BTBD8: variants seen among roughly 807,000 people sequenced by gnomAD.
BTBD8 encodes the protein BTB/POZ domain-containing protein 8.
BTBD8 carries 110 observed loss-of-function variants against 162.9 expected under a neutral mutation model. The observed-to-expected ratio is 0.68, with a 90% CI of 0.58 to 0.79. The LOEUF (loss-of-function observed/expected upper bound fraction) is 0.79. Among genes scored for constraint, BTBD8 ranks in the 30% least tolerant of loss-of-function variants. The pLI is 0.00. For synonymous variants in BTBD8, 667 were observed against 716.1 expected, an observed-to-expected ratio of 0.93 and a Z score of 1.10; for missense variants, 1,905 against 2,085.4, an observed-to-expected ratio of 0.91 and a Z score of 1.68.
chr1:92,153,952 G>A (rs1650100930), intron 9 of BTBD8, among the ~76,000 whole-genome samples: 1 of 152,130 alleles, frequency 6.6e-6, no homozygotes, highest in Admixed American at 6.5e-5. Context: ...TGGTGGGAGG[G>A]ATTTGGGTCA....
In BTBD8 at chr1:92,180,855, A is replaced by G; in HGVS notation, c.3172A>G (p.Asn1058Asp). 5 of 1,551,506 alleles carry G rather than the reference A, an allele frequency of 3.2e-6. No individual in the cohort carries two copies. The highest frequency in any genetic ancestry group is 2.0e-5 in the Admixed American group (1 of 50,952). ...AGATAAAAGTGAAACAAAATTTCCCAATCACAAAGAAACAGATGATTGCGA... is the reference window on the plus strand; with the variant it reads ...AGATAAAAGTGAAACAAAATTTCCCGATCACAAAGAAACAGATGATTGCGA... ...CLDKSETKFPNHKETDDCDAA... is the reference protein window; with the variant it reads ...CLDKSETKFPDHKETDDCDAA... Residue 1058 changes from asparagine to aspartate, a missense_variant, in exon 17 of 18, where the codon AAT becomes GAT. Physicochemically the swap from Asn to Asp is conservative, Grantham distance 23 (BLOSUM62 1). Around this residue, in one of 3 missense-constraint regions of BTBD8, gnomAD observed 1,374 missense variants for 1,442.7 expected, o/e 0.95. Coordinates refer to ENST00000636805, the MANE Select transcript of BTBD8 (RefSeq NM_001376131.1).
At chr1:92,116,831 T>A (rs1172912843) in intron 4 of BTBD8, among the ~76,000 whole-genome samples, 2 of 151,754 alleles carry the variant, frequency 1.3e-5, no homozygotes, top group South Asian at 4.1e-4. Flanking sequence ...GTTATTAATA[T>A]GTTTGAGTGT....
rs1458504903 is a variant in BTBD8 at position 92,181,842 on chromosome 1, G to A, written c.4159G>A (p.Asp1387Asn). The A allele has an allele frequency of 6.4e-7, 1 of 1,550,932 alleles. No individual in the cohort carries two copies. Among genetic ancestry groups the A allele is most frequent in the South Asian group, 1.2e-5 (1 of 83,988 alleles). Residue 1387 changes from aspartate to asparagine, a missense_variant, in exon 17 of 18, where the codon GAT (aspartate) becomes AAT (asparagine). Around this residue, in one of 3 missense-constraint regions of BTBD8, gnomAD observed 517 missense variants for 606.6 expected, o/e 0.85. Coordinates refer to ENST00000636805, the MANE Select transcript of BTBD8 (RefSeq NM_001376131.1). ...ATCTTCTTCAGCAGATGAAACAGAA[G>A]ATGAAAGATCTGAAGCTGAAAACGT... Reference protein sequence around the residue: ...QVSSSADETEDERSEAENVAE... With the variant: ...QVSSSADETENERSEAENVAE...
Position 92,102,482 on chromosome 1 carries a change from T to G in BTBD8, c.357T>G (p.Tyr119Ter). The G allele has an allele frequency of 6.7e-7, 1 of 1,499,612 alleles. No individual in the cohort carries two copies. The highest frequency in any genetic ancestry group is 8.9e-7 in the Non-Finnish European group (1 of 1,118,328). 92.9% of individuals were successfully genotyped at this position (1,499,612 alleles called of 1,614,324 possible). A position where few individuals can be genotyped will look rare whatever the true frequency, so the allele number is the denominator to read the frequency against. ...ATATTTTGTCTTTTAGGATTATATATTCATCAAACAGAAACATAAAAAACT... is the reference window on the plus strand; with the variant it reads ...ATATTTTGTCTTTTAGGATTATATAGTCATCAAACAGAAACATAAAAAACT... The part of the protein sequence containing the change: ...LEFRTFLQII[Y>*]SSNRNIKNYE... The change falls in exon 3 of 18, where the codon TAT becomes TAG. Residue 119 changes from tyrosine (Y) to a stop codon, truncating the protein, a stop_gained. Transcript: ENST00000636805. LOFTEE classifies it high-confidence loss of function.
chr1:92,094,291 CT>C (rs1396788957), intron 2 of BTBD8, among the ~76,000 whole-genome samples: 1 of 152,162 alleles, frequency 6.6e-6, no homozygotes, highest in Non-Finnish European at 1.5e-5. Flanking sequence ...CATGTAGTGT[CT>C]TGCATATAGA....
chr1:92,180,373 C>T lies in BTBD8; in HGVS notation c.2690C>T (p.Pro897Leu). The stretch of plus-strand genomic sequence containing the variant: ...AATACAACTACAGAGAAACAAGCAC[C>T]TAAGAGAAAAATGGTCAAGCAAGTA... The part of the protein sequence containing the change: ...DHNTTTEKQA[P>L]KRKMVKQVHT... Residue 897 changes from proline (P) to leucine (L), a missense_variant, in exon 17 of 18, where the codon CCT becomes CTT. Coordinates refer to ENST00000636805, the MANE Select transcript of BTBD8 (RefSeq NM_001376131.1). 6.4e-7 allele frequency: 1 copy of T among 1,551,386 alleles called. No individual in the cohort carries two copies. The highest frequency in any genetic ancestry group is 8.7e-7 in the Non-Finnish European group (1 of 1,146,928).
At chr1:92,166,424 C>CTTTTTT (rs35849731) in intron 9 of BTBD8, among the ~76,000 whole-genome samples, 16 of 120,416 alleles carry the variant, frequency 1.3e-4, no homozygotes, top group Non-Finnish European at 1.8e-4. Flanking sequence ...TCTTTTCTTT[C>CTTTTTT]TTTTTTTTTT....
At chr1:92,098,961 A>G (rs981437994) in intron 2 of BTBD8, among the ~76,000 whole-genome samples, 2 of 152,226 alleles carry the variant, frequency 1.3e-5, no homozygotes, top group African/African-American at 2.4e-5. Flanking sequence ...TTTTGGAATC[A>G]TATCTAAGAC....
chr1:92,129,997 G>A (rs190960125), intron 5 of BTBD8, among the ~76,000 whole-genome samples: 68 of 152,232 alleles, frequency 4.5e-4, no homozygotes, highest in Non-Finnish European at 7.2e-4. Flanking sequence ...TATCCAAACT[G>A]GGTGATTTAA....
chr1:92,102,766 A>ATT (rs547474408), intron 3 of BTBD8, 97 bp downstream of exon 3: 16 of 1,080,898 alleles, frequency 1.5e-5, no homozygotes, highest in African/African-American at 3.3e-5. Flanking sequence ...TGCTTTACTG[A>ATT]TTTTTTTTTT....
intron 2 of BTBD8, among the ~76,000 whole-genome samples, chr1:92,100,117 T>G (rs1354043823): frequency 1.3e-5 from 2 of 152,224 alleles, no homozygotes. Context: ...AGTGATCATG[T>G]GGTTTTGTGT....
chr1:92,135,236 A>G (rs1019578745), intron 5 of BTBD8, among the ~76,000 whole-genome samples: 1 of 151,832 alleles, frequency 6.6e-6, no homozygotes, highest in Non-Finnish European at 1.5e-5. Context: ...CCTGGGCTGG[A>G]GTGCAGTTGC....
intron 4 of BTBD8, among the ~76,000 whole-genome samples, chr1:92,114,007 G>A (rs1364158136): frequency 2.4e-4 from 21 of 89,114 alleles, no homozygotes; most frequent in African/African-American, 9.9e-4. Context: ...GTGAGACTCC[G>A]TCTCAAAAAA....
At chr1:92,162,515 C>T (rs1391506104) in intron 9 of BTBD8, among the ~76,000 whole-genome samples, 1 of 152,148 alleles carries the variant, frequency 6.6e-6, no homozygotes, top group African/African-American at 2.4e-5. Flanking sequence ...TAGTGTTTTT[C>T]GAACTTTAAT....
At position 92,129,645 on chromosome 1, in the gene BTBD8, A is replaced by T. The variant is rs1227829859; in HGVS notation, c.663-42A>T. 2.9e-6 allele frequency: 4 copies of T among 1,394,204 alleles called. No individual in the cohort carries two copies. The African/African-American group carries it at 5.7e-5, about 20-fold the overall frequency. 86.4% of individuals were successfully genotyped at this position (1,394,204 alleles called of 1,614,324 possible). A position where few individuals can be genotyped will look rare whatever the true frequency, so the allele number is the denominator to read the frequency against. On this transcript the variant is annotated intron_variant, in intron 4 of 17. Transcript: ENST00000636805. Reference sequence around the variant, plus strand: ...CATAAAAAATTACATTTTGAATAATATGTAAATGTTTACCTGTGTTTCTCC... The same window carrying T: ...CATAAAAAATTACATTTTGAATAATTTGTAAATGTTTACCTGTGTTTCTCC...
chr1:92,102,720 T>C (rs751215198), intron 3 of BTBD8, 51 bp downstream of exon 3: 1 of 1,336,324 alleles, frequency 7.5e-7, no homozygotes, highest in Non-Finnish European at 9.8e-7. Flanking sequence ...ATAATTATAT[T>C]CTGATACAGT....
At position 92,184,488 on chromosome 1, in the gene BTBD8, AT is replaced by A; in HGVS notation, c.*159del. On this transcript the variant is annotated 3_prime_UTR_variant, in exon 18 of 18. Coordinates refer to ENST00000636805, the MANE Select transcript of BTBD8 (RefSeq NM_001376131.1). ...TAGTTTATTTATTAATATATCACAT[AT>A]AGAAAAATGTTTTTCTAAAGTTTTT... 2.2e-6 allele frequency: 1 copy of A among 460,892 alleles called. No individual in the cohort carries two copies. The highest frequency in any genetic ancestry group is 3.8e-6 in the Non-Finnish European group (1 of 266,478). The allele number at this position is 460,892 out of a possible 1,614,324, so 28.6% of individuals were successfully genotyped here.
Position 92,177,181 on chromosome 1 carries a change from C to G in BTBD8, c.1988C>G (p.Ala663Gly). ...MSPRQVVERS[A>G]TAAAAATGQK... The stretch of plus-strand genomic sequence containing the variant: ...CCTAGACAAGTTGTAGAAAGATCAG[C>G]AACAGCAGCAGCAGCAGCAACTGGA... The change falls in exon 14 of 18, where the codon GCA (alanine) becomes GGA (glycine). Residue 663 changes from alanine (A) to glycine (G), a missense_variant. Physicochemically the swap from Ala to Gly is moderately conservative, Grantham distance 60. Around this residue, in one of 3 missense-constraint regions of BTBD8, gnomAD observed 1,374 missense variants for 1,442.7 expected, o/e 0.95. Transcript: ENST00000636805. 1 of 1,551,798 alleles carries G rather than the reference C, an allele frequency of 6.4e-7. No individual in the cohort carries two copies. The highest frequency in any genetic ancestry group is 8.7e-7 in the Non-Finnish European group (1 of 1,147,032).
At chr1:92,108,122 T>C in intron 4 of BTBD8, 121 bp downstream of exon 4, 1 of 913,058 alleles carries the variant, frequency 1.1e-6, no homozygotes, top group East Asian at 2.4e-5. Flanking sequence ...AGGGGTTCCA[T>C]GAAGGCCAAA....
Sources: gnomAD v4.1 joint callset for allele counts (sites outside exome capture counted in the v4.1 genomes callset) on GRCh38, gnomAD v4.1.1 for gene constraint, gnomAD v4.1.1 regional missense constraint, MANE v1.5 for transcripts, NCBI Gene and HGNC (gene_info 2026-07-23, HGNC 2026-07-21) for gene names.